The following SPRY3 variants were observed in gnomAD, a reference collection of about 807,000 sequenced individuals.
SPRY3 encodes protein sprouty homolog 3.
Under a neutral mutation model 20.2 loss-of-function variants are expected in SPRY3, and 15 were observed. The observed-to-expected ratio is 0.74, with a 90% CI of 0.50 to 1.14. SPRY3 has a LOEUF of 1.14. Among genes scored for constraint, SPRY3 ranks in the 50% most tolerant of loss-of-function variants. The pLI is 0.00. For synonymous variants in SPRY3, 143 were observed against 136.5 expected (o/e 1.05, Z -0.33); for missense variants, 364 against 363.9 (o/e 1.00, Z 0.00).
At chrX:155,615,575 GT>G (rs1413473110) in intron 1 of SPRY3, among the ~76,000 whole-genome samples, 1 of 112,054 alleles carries the variant, frequency 8.9e-6, no homozygotes, top group Non-Finnish European at 1.9e-5. Flanking sequence ...TCTGGACACA[GT>G]GCAATGTTGA....
intron 2 of SPRY3, among the ~76,000 whole-genome samples, chrX:155,700,079 G>T (rs1252525628): frequency 2.8e-5 from 3 of 105,388 alleles, no homozygotes; most frequent in African/African-American, 1.0e-4. Flanking sequence ...AAACAAAATG[G>T]TTGTAAACAA....
chrX:155,767,720 A>AAGAGGCGGAGTAGGAGAG (rs2091345561), intron 2 of SPRY3: 3 of 64,458 alleles, frequency 4.7e-5, no homozygotes, highest in Admixed American at 1.6e-4. Context: ...GAGGAGGAGA[A>AAGAGGCGGAGTAGGAGAG]AGAGGAGGAG....
intron 1 of SPRY3, among the ~76,000 whole-genome samples, chrX:155,647,990 C>T (rs1359683747): frequency 7.2e-5 from 8 of 111,518 alleles, no homozygotes; most frequent in African/African-American, 2.0e-4. Context: ...TTTTAATGAT[C>T]GCCATTCTAA....
intron 2 of SPRY3, among the ~76,000 whole-genome samples, chrX:155,739,519 C>A (rs1172235435): frequency 6.6e-6 from 1 of 152,180 alleles, no homozygotes; most frequent in Non-Finnish European, 1.5e-5. Context: ...TGGGTGAGAT[C>A]TCCCAACAGG....
intron 2 of SPRY3, among the ~76,000 whole-genome samples, chrX:155,691,747 A>T (rs1346519195): frequency 2.3e-5 from 2 of 87,868 alleles, no homozygotes; most frequent in Non-Finnish European, 4.3e-5. Context: ...AGTAACTGGG[A>T]TATCCATCGC....
intron 1 of SPRY3, chrX:155,612,852 T>C (rs2067834395): frequency 9.0e-6 from 1 of 110,789 alleles, no homozygotes; most frequent in African/African-American, 3.3e-5. Flanking sequence ...GCAAGGAGAG[T>C]CTCGGGAGGC....
chrX:155,704,844 G>T (rs1018058490), intron 2 of SPRY3, among the ~76,000 whole-genome samples: 17 of 151,524 alleles, frequency 1.1e-4, no homozygotes, highest in African/African-American at 4.1e-4. Flanking sequence ...TACAAGTCAG[G>T]ACACAATGGA....
intron 2 of SPRY3, among the ~76,000 whole-genome samples, chrX:155,727,545 A>AT (rs1458599991): frequency 6.6e-6 from 1 of 151,868 alleles, no homozygotes; most frequent in East Asian, 1.9e-4. Flanking sequence ...TATTTCATTA[A>AT]TTTTATCTCT....
chrX:155,763,653 T>G (rs2091313206), intron 2 of SPRY3, among the ~76,000 whole-genome samples: 1 of 152,202 alleles, frequency 6.6e-6, no homozygotes, highest in Non-Finnish European at 1.5e-5. Flanking sequence ...GTTTCACTCT[T>G]TGCAGACTCC....
chrX:155,769,805 C>A (rs1158571514), intron 3 of SPRY3, among the ~76,000 whole-genome samples: 3 of 152,116 alleles, frequency 2.0e-5, no homozygotes, highest in East Asian at 3.9e-4. Flanking sequence ...GTGGTGAGAA[C>A]CTGGCAGCTC....
intron 1 of SPRY3, among the ~76,000 whole-genome samples, chrX:155,614,919 C>T (rs1603108167): frequency 9.0e-6 from 1 of 111,378 alleles, no homozygotes; most frequent in African/African-American, 3.3e-5. Flanking sequence ...TTTATGTTCC[C>T]GCCACACCAG....
chrX:155,665,430 A>C (rs1270532840), intron 2 of SPRY3, among the ~76,000 whole-genome samples: 1 of 111,371 alleles, frequency 9.0e-6, no homozygotes, highest in Non-Finnish European at 1.9e-5. Context: ...TGAATAGATA[A>C]AGATTGGAAT....
intron 2 of SPRY3, among the ~76,000 whole-genome samples, chrX:155,711,686 C>T (rs1179357167): frequency 1.4e-4 from 15 of 108,534 alleles, no homozygotes; most frequent in Non-Finnish European, 2.3e-4. Flanking sequence ...TTTCTTTTTA[C>T]TATTTTTTTT....
Position 155,775,333 on chromosome X carries a change from C to T in SPRY3, c.*595C>T, listed in dbSNP as rs750392980. 13 of 168,874 alleles carry T rather than the reference C, an allele frequency of 7.7e-5. No individual in the cohort carries two copies. The South Asian group carries it at 2.0e-3, about 26-fold the overall frequency. The allele number at this position is 168,874 out of a possible 1,614,324, so 10.5% of individuals were successfully genotyped here. A position where few individuals can be genotyped will look rare whatever the true frequency, so the allele number is the denominator to read the frequency against. ...TTCCTCCCTTTCTCCTTCTCCCCTC[C>T]TTCTTTTTCAGACTGATCCTTTCTC... On this transcript the variant is annotated 3_prime_UTR_variant, in exon 4 of 4. Coordinates refer to ENST00000675360, the Ensembl canonical transcript of SPRY3.
intron 2 of SPRY3, among the ~76,000 whole-genome samples, chrX:155,666,541 T>C (rs1462247366): frequency 9.0e-6 from 1 of 111,235 alleles, no homozygotes; most frequent in Non-Finnish European, 1.9e-5. Context: ...AGCAGAAGCG[T>C]AAACAGATTT....
intron 2 of SPRY3, among the ~76,000 whole-genome samples, chrX:155,742,637 G>T (rs1475738536): frequency 6.6e-6 from 1 of 151,744 alleles, no homozygotes; most frequent in South Asian, 2.1e-4. Context: ...AATCGTAACA[G>T]TCTCTCAGAC....
At chrX:155,623,049 CT>C (rs1438750385) in intron 1 of SPRY3, among the ~76,000 whole-genome samples, 1 of 112,040 alleles carries the variant, frequency 8.9e-6, no homozygotes, top group African/African-American at 3.2e-5. Flanking sequence ...ATTCCCATCA[CT>C]GAACCTCACA....
intron 2 of SPRY3, among the ~76,000 whole-genome samples, chrX:155,713,452 C>T (rs1243987879): frequency 1.3e-5 from 2 of 152,030 alleles, no homozygotes; most frequent in Non-Finnish European, 2.9e-5. Context: ...CTCCTTCATG[C>T]TTTAAGGATA....
rs1439073490 is a variant in SPRY3 at position 155,672,829 on chromosome X, T to C, written c.-282+15804T>C. 3.5e-4 allele frequency among the ~76,000 whole-genome samples: 36 copies of C among 102,919 alleles called. 1 individual carries two copies. The highest frequency in any genetic ancestry group is 6.0e-4 in the Non-Finnish European group (30 of 50,318). The allele number at this position is 102,919 out of a possible 115,157, so 89.4% of individuals were successfully genotyped here. On this transcript the variant is annotated intron_variant, in intron 2 of 3. Transcript: ENST00000675360. ...TGGAACCAACCCAAATGTCCAACAATGATAGACTGGATTAAGAAAATGTGG... is the reference window on the plus strand; with the variant it reads ...TGGAACCAACCCAAATGTCCAACAACGATAGACTGGATTAAGAAAATGTGG...
Sources: gnomAD v4.1 joint callset for allele counts (sites outside exome capture counted in the v4.1 genomes callset) on GRCh38, gnomAD v4.1.1 for gene constraint, MANE v1.5 for transcripts, NCBI Gene and HGNC (gene_info 2026-07-23, HGNC 2026-07-21) for gene names.